Variants in CCSER1 observed in about 807,000 individuals in gnomAD.
The protein encoded by CCSER1 is coiled-coil serine rich protein 1, also known as serine-rich coiled-coil domain-containing protein 1.
Under a neutral mutation model 82.0 loss-of-function variants are expected in CCSER1, and 41 were observed. That is an observed-to-expected ratio of 0.50 (90% CI 0.39 to 0.65). The LOEUF (loss-of-function observed/expected upper bound fraction) is 0.65, where lower values mean the gene tolerates loss of function less well. CCSER1 is among the 30% of genes least tolerant of loss of function. The probability of loss-of-function intolerance (pLI) is 0.00; values close to 1 mark genes in which losing one functional copy is unlikely to be tolerated. For synonymous variants in CCSER1, 414 were observed against 383.9 expected, an observed-to-expected ratio of 1.08 and a Z score of -0.92; for missense variants, 1,119 against 1,064.2, an observed-to-expected ratio of 1.05 and a Z score of -0.72.
At chr4:90,820,617 A>G (rs1190815197) in intron 8 of CCSER1, among the ~76,000 whole-genome samples, 1 of 152,162 alleles carries the variant, frequency 6.6e-6, no homozygotes, top group Non-Finnish European at 1.5e-5. Context: ...TAAGTTTTCA[A>G]TGACAGAATT....
chr4:90,587,769 C>G (rs1180864223), intron 5 of CCSER1, among the ~76,000 whole-genome samples: 1 of 152,048 alleles, frequency 6.6e-6, no homozygotes, highest in African/African-American at 2.4e-5. Flanking sequence ...TGCCTAGATT[C>G]TCCACATTCA....
At chr4:90,714,190 T>A (rs1741201488) in intron 6 of CCSER1, among the ~76,000 whole-genome samples, 2 of 152,166 alleles carry the variant, frequency 1.3e-5, no homozygotes, top group Admixed American at 1.3e-4. Context: ...AAAATATATA[T>A]TTTATTTGTG....
Position 91,101,027 on chromosome 4 carries a change from A to G in CCSER1, c.2217+15033A>G, listed in dbSNP as rs867816399. Among the ~76,000 whole-genome samples the G allele has an allele frequency of 4.6e-5, 7 of 152,354 alleles. No homozygotes were observed. The South Asian group carries it at 8.3e-4, about 18-fold the overall frequency. On this transcript the variant is annotated intron_variant, in intron 10 of 10. Transcript: ENST00000509176. ...GTGACAGAAAAATACTTTGCAAGAC[A>G]AACAGGAAAAAAAAGAGAGAAAGGA...
chr4:91,164,118 A>T (rs865802116), intron 10 of CCSER1, among the ~76,000 whole-genome samples: 21 of 152,152 alleles, frequency 1.4e-4, no homozygotes, highest in Admixed American at 3.9e-4. Context: ...CTTGTAAGGC[A>T]GGCCTGGTGG....
chr4:91,152,073 G>A (rs1643423765), intron 10 of CCSER1, among the ~76,000 whole-genome samples: 1 of 152,244 alleles, frequency 6.6e-6, no homozygotes, highest in South Asian at 2.1e-4. Flanking sequence ...TGACAGTGGG[G>A]TGTTAAAGTT....
intron 10 of CCSER1, among the ~76,000 whole-genome samples, chr4:91,163,698 T>C (rs1274947962): frequency 6.6e-6 from 1 of 152,194 alleles, no homozygotes; most frequent in African/African-American, 2.4e-5. Context: ...GCCTTCCTTG[T>C]CTCTTTTGAT....
chr4:90,591,967 A>T (rs577636846), intron 5 of CCSER1, among the ~76,000 whole-genome samples: 1 of 152,120 alleles, frequency 6.6e-6, no homozygotes, highest in African/African-American at 2.4e-5. Context: ...TCTCACTCAT[A>T]AGTGGGAGTT....
chr4:91,350,082 A>G (rs1375754062), intron 10 of CCSER1, among the ~76,000 whole-genome samples: 1 of 152,196 alleles, frequency 6.6e-6, no homozygotes, highest in East Asian at 1.9e-4. Flanking sequence ...AGGTTCTTAC[A>G]TGCCATATTG....
At chr4:91,304,406 A>T (rs1002736167) in intron 10 of CCSER1, among the ~76,000 whole-genome samples, 3 of 152,074 alleles carry the variant, frequency 2.0e-5, no homozygotes, top group Non-Finnish European at 4.4e-5. Context: ...TTTTTGATAC[A>T]TTAGTTAACT....
At chr4:90,945,923 C>A (rs1732184914) in intron 9 of CCSER1, among the ~76,000 whole-genome samples, 1 of 151,976 alleles carries the variant, frequency 6.6e-6, no homozygotes, top group South Asian at 2.1e-4. Context: ...TATATGATTT[C>A]CTTTTACAAG....
intron 10 of CCSER1, among the ~76,000 whole-genome samples, chr4:91,574,140 G>GA (rs1763325971): frequency 1.3e-5 from 2 of 151,380 alleles, no homozygotes; most frequent in Admixed American, 1.3e-4. Flanking sequence ...CACAGACATT[G>GA]AAAAAAAGCA....
intron 6 of CCSER1, chr4:90,663,867 T>C (rs541666204): frequency 5.7e-5 from 21 of 366,552 alleles, no homozygotes; most frequent in East Asian, 2.5e-4. Flanking sequence ...AGGATGAGTG[T>C]TTCCAATTCT....
rs548835776 is a variant in CCSER1, at chr4:91,286,413, T to C, written c.2217+200419T>C. Among the ~76,000 whole-genome samples the C allele has an allele frequency of 2.0e-5, 3 of 152,014 alleles. No homozygotes were observed. In the East Asian group the frequency reaches 5.8e-4, roughly 29 times the overall value. On this transcript the variant is annotated intron_variant, in intron 10 of 10. Transcript: ENST00000509176. ...GATAATGTGGAGTCTTGGAAAGTTA[T>C]TTGAATGCTACTAGTACATTTTTAT...
At chr4:91,548,349 C>G (rs1201298826) in intron 10 of CCSER1, among the ~76,000 whole-genome samples, 1 of 152,012 alleles carries the variant, frequency 6.6e-6, no homozygotes. Context: ...CATACATGCA[C>G]ATAAATTATA....
At chr4:91,062,375 C>T (rs1300209588) in intron 9 of CCSER1, among the ~76,000 whole-genome samples, 1 of 152,032 alleles carries the variant, frequency 6.6e-6, no homozygotes, top group Admixed American at 6.6e-5. Context: ...TTGATGTTAC[C>T]TTGCTGATCT....
intron 9 of CCSER1, among the ~76,000 whole-genome samples, chr4:90,985,992 C>T (rs2150434514): frequency 6.6e-6 from 1 of 151,756 alleles, no homozygotes; most frequent in East Asian, 1.9e-4. Flanking sequence ...TCAGTTAGTA[C>T]ATTTTGGGTG....
At chr4:90,869,436 A>G (rs1766160584) in intron 8 of CCSER1, among the ~76,000 whole-genome samples, 1 of 151,942 alleles carries the variant, frequency 6.6e-6, no homozygotes, top group African/African-American at 2.4e-5. Flanking sequence ...TAGTTTTCCC[A>G]CCACCATTTG....
chr4:90,153,785 G>C (rs1006672198), intron 1 of CCSER1, among the ~76,000 whole-genome samples: 80 of 152,136 alleles, frequency 5.3e-4, no homozygotes, highest in Admixed American at 1.4e-3. Context: ...GATATTAGCC[G>C]TTTGTCAGAT....
At chr4:90,998,528 T>A (rs1737707059) in intron 9 of CCSER1, among the ~76,000 whole-genome samples, 1 of 152,230 alleles carries the variant, frequency 6.6e-6, no homozygotes, top group South Asian at 2.1e-4. Context: ...TATACTTTTC[T>A]ATGGGGATGC....
Sources: allele counts gnomAD v4.1 joint callset (sites outside exome capture counted in the v4.1 genomes callset), GRCh38; gene constraint gnomAD v4.1.1; transcripts MANE v1.5; gene names NCBI Gene and HGNC (gene_info 2026-07-23, HGNC 2026-07-21).